Variants in CSF2RA observed in about 807,000 individuals in gnomAD.
The protein encoded by CSF2RA is granulocyte-macrophage colony-stimulating factor receptor subunit alpha.
A neutral mutation model predicts 51.6 loss-of-function variants in CSF2RA; 42 were observed. That is an observed-to-expected ratio of 0.81 (90% CI 0.64 to 1.05). The LOEUF is 1.05. CSF2RA is among the 50% of genes least tolerant of loss of function. The probability of loss-of-function intolerance (pLI) is 0.00; values close to 1 mark genes in which losing one functional copy is unlikely to be tolerated. For synonymous variants in CSF2RA, 222 were observed against 193.0 expected (o/e 1.15, Z -1.24); for missense variants, 530 against 501.1 (o/e 1.06, Z -0.55).
chrX:1,294,240 CAGG>C (rs1310828712), intron 7 of CSF2RA, 85 bp from the exon 8 acceptor site: 2 of 1,522,736 alleles, frequency 1.3e-6, no homozygotes, highest in East Asian at 4.5e-5. Flanking sequence ...CCAGTGTAGA[CAGG>C]AGGAGACTCT....
downstream of CSF2RA, among the ~76,000 whole-genome samples, chrX:1,314,984 G>GTGCCTGCCCAACCC (rs2084504970): frequency 1.0e-4 from 4 of 38,906 alleles, no homozygotes; most frequent in African/African-American, 3.3e-4. Context: ...CTGCCCAATC[G>GTGCCTGCCCAACCC]CACTGCACCT....
At chrX:1,289,664 GGTT>G (rs2091153587) in intron 6 of CSF2RA, among the ~76,000 whole-genome samples, 1 of 142,104 alleles carries the variant, frequency 7.0e-6, no homozygotes, top group South Asian at 2.2e-4. Flanking sequence ...TTTGTTTTGT[GGTT>G]TTTGTTTTGT....
the CSF2RA span, among the ~76,000 whole-genome samples, chrX:1,324,797 C>T: frequency 1.3e-5 from 2 of 152,028 alleles, no homozygotes; most frequent in Admixed American, 1.3e-4. Context: ...CTGTCAGCAG[C>T]TTACACCCAT....
the CSF2RA span, among the ~76,000 whole-genome samples, chrX:1,317,246 CTTTTTTT>C: frequency 1.7e-5 from 1 of 57,836 alleles, no homozygotes; most frequent in Non-Finnish European, 2.9e-5. Context: ...CCACGCTCAG[CTTTTTTT>C]TTTTTTTTTT....
chrX:1,304,021 T>G lies in CSF2RA; in HGVS notation c.1043+2T>G. On this transcript the variant is annotated splice_donor_variant, in intron 11 of 12. Coordinates refer to ENST00000381529, the MANE Select transcript of CSF2RA (RefSeq NM_172245.4). LOFTEE classifies it high-confidence loss of function. ...CGTCCTCGGCTTCCTCTTTAAAAGG[T>G]AACCTGTGAAACACCTGGGCCTCCC... The G allele has an allele frequency of 6.2e-7, 1 of 1,611,580 alleles. No individual in the cohort carries two copies. Among genetic ancestry groups the G allele is most frequent in the Non-Finnish European group, 8.5e-7 (1 of 1,179,142 alleles).
At chrX:1,318,928 A>AG in the CSF2RA span, among the ~76,000 whole-genome samples, 7 of 150,742 alleles carry the variant, frequency 4.6e-5, no homozygotes, top group Non-Finnish European at 1.5e-5. Flanking sequence ...AAAAAAAAAA[A>AG]GAAAGAAAAT....
chrX:1,321,077 C>T, the CSF2RA span, among the ~76,000 whole-genome samples: 5 of 151,972 alleles, frequency 3.3e-5, no homozygotes, highest in African/African-American at 1.2e-4. Context: ...CTCCTGACCA[C>T]AGGTGACCCA....
At chrX:1,323,810 C>G in the CSF2RA span, among the ~76,000 whole-genome samples, 3 of 151,228 alleles carry the variant, frequency 2.0e-5, no homozygotes, top group South Asian at 4.2e-4. Flanking sequence ...GTCAGGAGAT[C>G]GAAACCATCC....
the CSF2RA span, among the ~76,000 whole-genome samples, chrX:1,323,974 A>G: frequency 6.6e-6 from 1 of 151,768 alleles, no homozygotes; most frequent in Non-Finnish European, 1.5e-5. Context: ...AGATCACCCC[A>G]CTGCATTCCA....
downstream of CSF2RA, among the ~76,000 whole-genome samples, chrX:1,311,763 C>A (rs1171513791): frequency 1.3e-5 from 2 of 152,006 alleles, no homozygotes; most frequent in Admixed American, 1.3e-4. Flanking sequence ...CTTTAAAATA[C>A]ATCACCCAGC....
rs2083774056 is a variant in CSF2RA, at chrX:1,307,701, C to CG, written c.1126-1701_1126-1700insG. On this transcript the variant is annotated intron_variant, in intron 12 of 12. Coordinates refer to ENST00000381529, the MANE Select transcript of CSF2RA (RefSeq NM_172245.4). The stretch of plus-strand genomic sequence containing the variant: ...TACCTTCGACTGATTAGATGAGGCC[C>CG]ACCCTCCCCTTTATACCTTCGACTG... 1.4e-5 allele frequency among the ~76,000 whole-genome samples: 2 copies of CG among 144,368 alleles called. 1 individual carries two copies. The highest frequency in any genetic ancestry group is 3.1e-5 in the Non-Finnish European group (2 of 64,154). 94.7% of individuals were successfully genotyped at this position (144,368 alleles called of 152,430 possible).
chrX:1,289,894 GTTTTGTGTTTTTGTGTTTTGT>G (rs2148404853), intron 6 of CSF2RA, among the ~76,000 whole-genome samples: 1 of 74,410 alleles, frequency 1.3e-5, no homozygotes, highest in Admixed American at 1.2e-4. Flanking sequence ...GTTTTGTTTT[GTTTTGTGTTTTTGTGTTTTGT>G]TTTTGTGTTT....
In CSF2RA at chrX:1,290,518, AAC is replaced by A. The variant is rs1569503179; in HGVS notation, c.646+13_646+14del. On this transcript the variant is annotated intron_variant, in intron 7 of 12. Transcript: ENST00000381529. ...GGACACAAAGAAAATAGGTGAGAAT[AAC>A]ACATATGATTTTCCTATTGTTTATA... 1.2e-6 allele frequency: 2 copies of A among 1,612,694 alleles called. No individual in the cohort carries two copies. Among genetic ancestry groups the A allele is most frequent in the South Asian group, 2.2e-5 (2 of 91,036 alleles).
intron 1 of CSF2RA, among the ~76,000 whole-genome samples, chrX:1,271,594 G>A (rs1170607687): frequency 6.6e-6 from 1 of 152,008 alleles, no homozygotes; most frequent in Non-Finnish European, 1.5e-5. Context: ...TCGGCTCACT[G>A]TAACCTCCGC....
chrX:1,323,211 G>A, the CSF2RA span, among the ~76,000 whole-genome samples: 11 of 88,700 alleles, frequency 1.2e-4, no homozygotes, highest in African/African-American at 3.7e-4. Context: ...CAGATGTAAT[G>A]AAGTAAAGAA....
chrX:1,269,662 G>C (rs1217068463), intron 1 of CSF2RA, among the ~76,000 whole-genome samples: 4 of 141,276 alleles, frequency 2.8e-5, no homozygotes, highest in Non-Finnish European at 6.3e-5. Flanking sequence ...GAAAAGAGAT[G>C]AACGCAGAGC....
intron 6 of CSF2RA, among the ~76,000 whole-genome samples, chrX:1,289,722 GTTTT>G (rs1392362067): frequency 7.2e-6 from 1 of 139,850 alleles, no homozygotes; most frequent in African/African-American, 2.7e-5. Flanking sequence ...GTGTTTTGGT[GTTTT>G]TGTTTTGTGG....
rs369999580 is a variant in CSF2RA, at chrX:1,290,497, A to G, written c.634A>G (p.Thr212Ala). Residue 212 changes from threonine to alanine, a missense_variant, in exon 7 of 13, where the codon ACA becomes GCA. Physicochemically the swap from Thr to Ala is moderately conservative, Grantham distance 58. Transcript: ENST00000381529. ...GIQFFDSLLD[T>A]KKIERFNPPS... ...CCAATTCTTTGATTCACTTTTGGAC[A>G]CAAAGAAAATAGGTGAGAATAACAC... The G allele has an allele frequency of 1.8e-5, 29 of 1,613,700 alleles. No homozygotes were observed. The highest frequency in any genetic ancestry group is 2.5e-5 in the Non-Finnish European group (29 of 1,179,754).
the CSF2RA span, among the ~76,000 whole-genome samples, chrX:1,316,216 G>A: frequency 7.9e-6 from 1 of 125,832 alleles, no homozygotes; most frequent in Non-Finnish European, 1.8e-5. Context: ...TAGATACATA[G>A]GTAGATAGAT....
Sources: allele counts gnomAD v4.1 joint callset (sites outside exome capture counted in the v4.1 genomes callset), GRCh38; gene constraint gnomAD v4.1.1; transcripts MANE v1.5; gene names NCBI Gene and HGNC (gene_info 2026-07-23, HGNC 2026-07-21).